The following MYO16 variants were observed in gnomAD, a reference collection of about 807,000 sequenced individuals.
MYO16 encodes unconventional myosin-XVI.
A neutral mutation model predicts 205.3 loss-of-function variants in MYO16; 94 were observed. The observed-to-expected ratio is 0.46, with a 90% CI of 0.39 to 0.54. The LOEUF (loss-of-function observed/expected upper bound fraction) is 0.54. MYO16 is among the 20% of genes least tolerant of loss of function. The pLI is 0.00. For missense variants in MYO16, 2,315 were observed against 2,387.5 expected (o/e 0.97, Z 0.63); for synonymous variants, 988 against 954.0 (o/e 1.04, Z -0.66).
At chr13:108,928,612 G>A (rs756957939) in intron 16 of MYO16, among the ~76,000 whole-genome samples, 11 of 152,118 alleles carry the variant, frequency 7.2e-5, no homozygotes, top group Non-Finnish European at 1.2e-4. Flanking sequence ...GAATGGAGTC[G>A]TTTGTTAGGT....
rs1883426349 is a variant in MYO16 at position 108,957,688 on chromosome 13, G to A, written c.1926G>A (p.Arg642=). The change falls in exon 17 of 35, where the codon CGG becomes CGA. Residue 642 remains arginine (R), a splice_region_variant and synonymous_variant. Transcript: ENST00000457511. ...CGTTACGTGCCTTGTCTCCTAACAG[G>A]TATTTGAACCAGACCATACAGGATG... ...GLHLNNLCAH[R]YLNQTIQDDA... 1 of 1,605,308 alleles carries A rather than the reference G, an allele frequency of 6.2e-7. No homozygotes were observed. Among genetic ancestry groups the A allele is most frequent in the Non-Finnish European group, 8.5e-7 (1 of 1,172,746 alleles).
chr13:108,670,403 G>C (rs1034963935), intron 2 of MYO16, among the ~76,000 whole-genome samples: 2 of 152,180 alleles, frequency 1.3e-5, no homozygotes, highest in Admixed American at 6.6e-5. Context: ...GGAGTACAGA[G>C]AGAACTGAGA....
intron 31 of MYO16, among the ~76,000 whole-genome samples, chr13:109,133,820 G>A (rs545332788): frequency 1.9e-4 from 29 of 152,234 alleles, no homozygotes; most frequent in South Asian, 1.5e-3. Flanking sequence ...CTTTTAGCAC[G>A]TGTACACATG....
the MYO16 span, among the ~76,000 whole-genome samples, chr13:108,543,341 AT>A: frequency 6.6e-6 from 1 of 152,200 alleles, no homozygotes; most frequent in Admixed American, 6.5e-5. Flanking sequence ...ACAAGATTTT[AT>A]TTTGGTAAAA....
chr13:109,151,125 A>G (rs1294485278), intron 32 of MYO16, among the ~76,000 whole-genome samples: 1 of 152,160 alleles, frequency 6.6e-6, no homozygotes, highest in Non-Finnish European at 1.5e-5. Context: ...CTTATGCCTG[A>G]CTTCAGTCAT....
chr13:108,640,780 C>T (rs531989112), intron 1 of MYO16, among the ~76,000 whole-genome samples: 51 of 152,196 alleles, frequency 3.4e-4, no homozygotes, highest in Middle Eastern at 3.4e-3. Flanking sequence ...ACTGGGATAA[C>T]GGTAACGACA....
intron 23 of MYO16, among the ~76,000 whole-genome samples, chr13:109,020,732 C>T (rs1047154958): frequency 6.6e-6 from 1 of 152,176 alleles, no homozygotes; most frequent in African/African-American, 2.4e-5. Context: ...GTCTCCTACT[C>T]TTAACTCCTT....
At chr13:108,836,957 A>AG (rs1313594468) in intron 9 of MYO16, among the ~76,000 whole-genome samples, 3 of 152,108 alleles carry the variant, frequency 2.0e-5, no homozygotes, top group African/African-American at 7.2e-5. Context: ...ATGAGTTAAG[A>AG]CTTTGGGGGA....
intron 15 of MYO16, among the ~76,000 whole-genome samples, chr13:108,900,023 T>C (rs113456774): frequency 1.1e-3 from 169 of 152,312 alleles, no homozygotes; most frequent in African/African-American, 3.9e-3. Context: ...GAGGAGAAGC[T>C]CATCTGGGGT....
chr13:109,201,671 G>T (rs1459990113), intron 34 of MYO16, among the ~76,000 whole-genome samples: 1 of 151,904 alleles, frequency 6.6e-6, no homozygotes, highest in Non-Finnish European at 1.5e-5. Flanking sequence ...TTCTTTAGTG[G>T]TGATTTGTGA....
chr13:108,539,225 A>G, the MYO16 span, among the ~76,000 whole-genome samples: 35 of 152,242 alleles, frequency 2.3e-4, no homozygotes, highest in African/African-American at 7.7e-4. Flanking sequence ...TAACGTTAAT[A>G]ATTTAATGCT....
intron 14 of MYO16, among the ~76,000 whole-genome samples, chr13:108,896,258 TTAA>T (rs1445177091): frequency 1.3e-5 from 2 of 152,176 alleles, no homozygotes; most frequent in Admixed American, 6.5e-5. Flanking sequence ...TGTAATATTA[TTAA>T]TATTTAAAAT....
intron 23 of MYO16, among the ~76,000 whole-genome samples, chr13:109,027,177 C>A (rs1020201243): frequency 6.6e-6 from 1 of 152,128 alleles, no homozygotes; most frequent in East Asian, 1.9e-4. Flanking sequence ...GGCATTCCTG[C>A]CTTACAGACC....
At chr13:109,142,562 A>G (rs1877149402) in intron 32 of MYO16, among the ~76,000 whole-genome samples, 1 of 152,084 alleles carries the variant, frequency 6.6e-6, no homozygotes. Flanking sequence ...TCTGCACCAC[A>G]GATGGGAAAT....
intron 2 of MYO16, among the ~76,000 whole-genome samples, chr13:108,681,590 C>A (rs1003814511): frequency 6.6e-6 from 1 of 151,080 alleles, no homozygotes; most frequent in Non-Finnish European, 1.5e-5. Flanking sequence ...TTTTTCTCAT[C>A]TTCCTCATCT....
chr13:108,641,430 G>A (rs1880498927), intron 1 of MYO16, among the ~76,000 whole-genome samples: 1 of 152,118 alleles, frequency 6.6e-6, no homozygotes, highest in African/African-American at 2.4e-5. Context: ...AAATCAATTG[G>A]CCATTCTCCT....
intron 27 of MYO16, among the ~76,000 whole-genome samples, chr13:109,087,563 C>A (rs148466282): frequency 1.3e-5 from 2 of 152,068 alleles, no homozygotes; most frequent in Non-Finnish European, 2.9e-5. Flanking sequence ...GGAGAATCAC[C>A]TGAACCCAGG....
Position 108,874,058 on chromosome 13 carries a change from T to TAG in MYO16, c.1425+7818_1425+7819dup, listed in dbSNP as rs537477170. Among the ~76,000 whole-genome samples the TAG allele has an allele frequency of 3.4e-4, 52 of 152,346 alleles. No individual in the cohort carries two copies. In the East Asian group the frequency reaches 9.8e-3, roughly 29 times the overall value. ...AGTGTCCTCATCCTTGAGCACTGTG[T>TAG]AGACATGCTAGAGACAAAACACAAA... On this transcript the variant is annotated intron_variant, in intron 12 of 34. Coordinates refer to ENST00000457511, the MANE Select transcript of MYO16 (RefSeq NM_001198950.3).
intron 6 of MYO16, 36 bp from the exon 7 acceptor site, chr13:108,806,643 T>G (rs1015577252): frequency 3.1e-5 from 50 of 1,599,496 alleles, no homozygotes; most frequent in Non-Finnish European, 4.0e-5. Context: ...ATCACTACTT[T>G]AAAAAAATGA....
Sources: gnomAD v4.1 joint callset for allele counts (sites outside exome capture counted in the v4.1 genomes callset) on GRCh38, gnomAD v4.1.1 for gene constraint, MANE v1.5 for transcripts, NCBI Gene and HGNC (gene_info 2026-07-23, HGNC 2026-07-21) for gene names.